Variants in MMP16 observed in about 807,000 individuals in gnomAD.
MMP16 encodes the protein matrix metalloproteinase-16.
Under a neutral mutation model 67.8 loss-of-function variants are expected in MMP16, and 12 were observed. The observed-to-expected ratio is 0.18, with a 90% confidence interval of 0.11 to 0.29. MMP16 has a LOEUF of 0.29. Among genes scored for constraint, MMP16 ranks in the 10% least tolerant of loss-of-function variants. The probability of loss-of-function intolerance (pLI) is 1.00; values close to 1 mark genes in which losing one functional copy is unlikely to be tolerated. For missense variants in MMP16, 475 were observed against 765.7 expected (o/e 0.62, Z 4.48); for synonymous variants, 249 against 255.9 (o/e 0.97, Z 0.26).
chr8:88,309,608 T>C (rs1811265435), intron 1 of MMP16, among the ~76,000 whole-genome samples: 2 of 152,064 alleles, frequency 1.3e-5, no homozygotes, highest in African/African-American at 4.8e-5. Flanking sequence ...GATCCTATAA[T>C]AAAAGCCTCA....
chr8:88,151,602 C>T (rs1287983516), intron 4 of MMP16, among the ~76,000 whole-genome samples: 1 of 138,788 alleles, frequency 7.2e-6, no homozygotes, highest in African/African-American at 2.7e-5. Flanking sequence ...ACAACCTGCT[C>T]CTGAATGACT....
At chr8:88,147,406 G>A (rs1273072787) in intron 4 of MMP16, among the ~76,000 whole-genome samples, 2 of 151,898 alleles carry the variant, frequency 1.3e-5, no homozygotes, top group Non-Finnish European at 2.9e-5. Context: ...ATTACACATT[G>A]TTATTAATGT....
chr8:88,275,819 A>T (rs576888619), intron 1 of MMP16, among the ~76,000 whole-genome samples: 6 of 151,966 alleles, frequency 3.9e-5, no homozygotes, highest in Non-Finnish European at 8.8e-5. Flanking sequence ...AAATAATACC[A>T]TTGTGAACAC....
At chr8:88,248,303 TG>T (rs1444350418) in intron 1 of MMP16, among the ~76,000 whole-genome samples, 1 of 152,114 alleles carries the variant, frequency 6.6e-6, no homozygotes, top group African/African-American at 2.4e-5. Flanking sequence ...ACAAGAAGAC[TG>T]TACAACTGTA....
chr8:88,251,628 C>A (rs759753218), intron 1 of MMP16, among the ~76,000 whole-genome samples: 445 of 133,012 alleles, frequency 3.3e-3, no homozygotes, highest in Non-Finnish European at 4.8e-3. Flanking sequence ...GCAACAAAAG[C>A]CAAAATTGAC....
chr8:88,157,799 C>G (rs1295003110), intron 4 of MMP16, among the ~76,000 whole-genome samples: 1 of 152,096 alleles, frequency 6.6e-6, no homozygotes, highest in South Asian at 2.1e-4. Context: ...TTAGGCATAT[C>G]TCATAGTGCT....
At chr8:88,236,520 C>T (rs10113080) in intron 1 of MMP16, among the ~76,000 whole-genome samples, 26,467 of 152,018 alleles carry the variant, frequency 0.17, 2,443 homozygotes, top group South Asian at 0.2. Flanking sequence ...ACTTTGGAGG[C>T]TGAAGGGGGC....
rs183502262 is a variant in MMP16, at chr8:88,100,850, T to C, written c.1083+15657A>G. 2.0e-3 allele frequency among the ~76,000 whole-genome samples: 308 copies of C among 151,876 alleles called. 2 individuals carry two copies. The highest frequency in any genetic ancestry group is 7.1e-3 in the African/African-American group (293 of 41,486). On this transcript the variant is annotated intron_variant, in intron 6 of 9. Coordinates refer to ENST00000286614, the MANE Select transcript of MMP16 (RefSeq NM_005941.5). ...TAGGGACATGGATGAAGCTGGAAAG[T>C]ATCATTCTCAGCAAACTATTGCAAG...
Position 88,041,312 on chromosome 8 carries a change from G to C in MMP16, c.*149C>G, listed in dbSNP as rs1808129538. ...TGAGTGTATTTCCACTCATGTGCAGGACCAGCAACCCTCTGGGTTTGAAAG... is the reference window on the plus strand; with the variant it reads ...TGAGTGTATTTCCACTCATGTGCAGCACCAGCAACCCTCTGGGTTTGAAAG... On this transcript the variant is annotated 3_prime_UTR_variant, in exon 10 of 10. Transcript: ENST00000286614. The surrounding 1 kb of genome is among the most constrained non-coding windows in gnomAD (Gnocchi z 6.0). 2 of 710,148 alleles carry C rather than the reference G, an allele frequency of 2.8e-6. No individual in the cohort carries two copies. The highest frequency in any genetic ancestry group is 4.8e-6 in the Non-Finnish European group (2 of 416,358). The allele number at this position is 710,148 out of a possible 1,614,324, so 44.0% of individuals were successfully genotyped here.
chr8:88,227,134 G>T (rs1325740843), intron 1 of MMP16, among the ~76,000 whole-genome samples: 1 of 151,952 alleles, frequency 6.6e-6, no homozygotes, highest in Non-Finnish European at 1.5e-5. Context: ...ATGATGTGTA[G>T]TCTGTGAGAT....
intron 1 of MMP16, among the ~76,000 whole-genome samples, chr8:88,317,173 C>CT (rs1044209288): frequency 8.5e-5 from 13 of 152,054 alleles, no homozygotes; most frequent in African/African-American, 2.7e-4. Flanking sequence ...AGGATTGACT[C>CT]TAATTTTGAA....
chr8:88,320,430 T>C (rs1471277688), intron 1 of MMP16, among the ~76,000 whole-genome samples: 2 of 152,168 alleles, frequency 1.3e-5, no homozygotes, highest in Non-Finnish European at 2.9e-5. Context: ...CACTACAATG[T>C]ATAGTTTTTG....
At chr8:88,098,892 A>G (rs1809081234) in intron 6 of MMP16, among the ~76,000 whole-genome samples, 1 of 151,858 alleles carries the variant, frequency 6.6e-6, no homozygotes, top group South Asian at 2.1e-4. Context: ...CTATATGATC[A>G]CTATTTTGTT....
rs532759984 is a variant in MMP16 at position 88,285,430 on chromosome 8, G to A, written c.132+41645C>T. ...GCTGGGATTATAGTTGTGAGCCACC[G>A]TGCCCAGCTGACAGAAACTGTTTTT... On this transcript the variant is annotated intron_variant, in intron 1 of 9. Transcript: ENST00000286614. Among the ~76,000 whole-genome samples, 119 of 152,184 alleles carry A rather than the reference G, an allele frequency of 7.8e-4. 2 individuals carry two copies. The highest frequency in any genetic ancestry group is 4.6e-4 in the Non-Finnish European group (31 of 68,006).
At chr8:88,267,740 T>C (rs113794757) in intron 1 of MMP16, among the ~76,000 whole-genome samples, 2,718 of 152,334 alleles carry the variant, frequency 0.018, 82 homozygotes, top group African/African-American at 0.062. Context: ...GGTAATATTA[T>C]AGTCAGCATA....
Position 88,149,142 on chromosome 8 carries a change from G to A in MMP16, c.709+18527C>T, listed in dbSNP as rs142807200. 8.3e-4 allele frequency among the ~76,000 whole-genome samples: 126 copies of A among 152,332 alleles called. 3 individuals carry two copies. The East Asian group carries it at 0.017, about 21-fold the overall frequency. On this transcript the variant is annotated intron_variant, in intron 4 of 9. Transcript: ENST00000286614. ...CGGGTCACTCCCACCCGAATATTGC[G>A]CTTTTCAGACGGGCTTAAAAAACGG... is the stretch of plus-strand genomic sequence containing the variant.
At chr8:88,318,800 C>T (rs1563594428) in intron 1 of MMP16, among the ~76,000 whole-genome samples, 1 of 152,088 alleles carries the variant, frequency 6.6e-6, no homozygotes, top group African/African-American at 2.4e-5. Flanking sequence ...ATGTGTTTAA[C>T]CAATGTTAAT....
At chr8:88,081,750 AAC>A (rs748136494) in intron 6 of MMP16, among the ~76,000 whole-genome samples, 206 of 152,270 alleles carry the variant, frequency 1.4e-3, no homozygotes, top group Non-Finnish European at 2.2e-3. Flanking sequence ...TTGTAGTAAA[AAC>A]AGTTTTTTTT....
chr8:88,102,211 G>GCCTC (rs1233175639), intron 6 of MMP16, among the ~76,000 whole-genome samples: 2 of 151,762 alleles, frequency 1.3e-5, no homozygotes, highest in Non-Finnish European at 2.9e-5. Flanking sequence ...CCCCAAAACT[G>GCCTC]CCTCCCTCCC....
Sources: gnomAD v4.1 joint callset for allele counts (sites outside exome capture counted in the v4.1 genomes callset) on GRCh38, gnomAD v4.1.1 for gene constraint, Gnocchi (gnomAD v3.1) non-coding constraint, MANE v1.5 for transcripts, NCBI Gene and HGNC (gene_info 2026-07-23, HGNC 2026-07-21) for gene names.